SPECC1: variants seen among roughly 807,000 people sequenced by gnomAD.
The protein encoded by SPECC1 is cytospin-B.
Under a neutral mutation model 104.1 loss-of-function variants are expected in SPECC1, and 62 were observed. The ratio of observed to expected loss-of-function variants is 0.60; its 90% CI spans 0.49 to 0.74. The LOEUF is 0.74. Ranked by LOEUF, SPECC1 falls within the 30% of genes least tolerant of loss-of-function variation. The probability of loss-of-function intolerance (pLI) is 0.00; values close to 1 mark genes in which losing one functional copy is unlikely to be tolerated. For missense variants in SPECC1, 1,306 were observed against 1,310.5 expected (o/e 1.00, Z 0.05); for synonymous variants, 513 against 501.6 (o/e 1.02, Z -0.30).
chr17:20,188,597 T>C (rs888623832), intron 3 of SPECC1, among the ~76,000 whole-genome samples: 2 of 152,172 alleles, frequency 1.3e-5, no homozygotes, highest in African/African-American at 2.4e-5. Flanking sequence ...GATATACTTA[T>C]GATGTGACCG....
At chr17:20,139,907 G>A (rs1031212938) in intron 3 of SPECC1, among the ~76,000 whole-genome samples, 6 of 152,072 alleles carry the variant, frequency 3.9e-5, no homozygotes, top group Admixed American at 1.3e-4. Context: ...AACTCCTGAC[G>A]TTGTGATCCG....
At chr17:20,226,963 G>C (rs979724370) in intron 4 of SPECC1, among the ~76,000 whole-genome samples, 3 of 152,106 alleles carry the variant, frequency 2.0e-5, no homozygotes, top group African/African-American at 7.2e-5. Context: ...TGTGCGGTGG[G>C]GGTGGCCACA....
At chr17:20,032,982 T>G (rs1859973060) in intron 1 of SPECC1, among the ~76,000 whole-genome samples, 1 of 151,350 alleles carries the variant, frequency 6.6e-6, no homozygotes, top group Non-Finnish European at 1.5e-5. Flanking sequence ...TTTTTTTTTT[T>G]GAGGTGGAGT....
intron 12 of SPECC1, among the ~76,000 whole-genome samples, chr17:20,263,776 CA>C (rs2040116987): frequency 6.6e-6 from 1 of 152,124 alleles, no homozygotes; most frequent in African/African-American, 2.4e-5. Context: ...TTCACGTTTT[CA>C]GAAGGAGTGG....
At chr17:20,181,853 T>C (rs2034912516) in intron 3 of SPECC1, among the ~76,000 whole-genome samples, 1 of 152,104 alleles carries the variant, frequency 6.6e-6, no homozygotes, top group Non-Finnish European at 1.5e-5. Context: ...AATCTTACTG[T>C]GGTTCATAAA....
rs771861913 is a variant in SPECC1 at position 20,246,002 on chromosome 17, T to G, written c.2428T>G (p.Ser810Ala). The part of the protein sequence containing the change: ...RWPGVCVSRT[S>A]PTPPESATTV... ...GCCTGGTGTCTGTGTTAGCAGAACATCTCCAACACCCCCAGAGTCGGCAAC... is the reference window on the plus strand; with the variant it reads ...GCCTGGTGTCTGTGTTAGCAGAACAGCTCCAACACCCCCAGAGTCGGCAAC... The change falls in exon 8 of 15, where the codon TCT becomes GCT. Residue 810 changes from serine to alanine, a missense_variant. By Grantham distance (99) the Ser-to-Ala change is moderately conservative. Around this residue, in one of 2 missense-constraint regions of SPECC1, gnomAD observed 1,177 missense variants for 1,139.9 expected, o/e 1.03. Transcript: ENST00000395527. 1.2e-6 allele frequency: 2 copies of G among 1,614,178 alleles called. No homozygotes were observed. The highest frequency in any genetic ancestry group is 8.5e-7 in the Non-Finnish European group (1 of 1,180,018).
At chr17:20,132,030 A>T (rs1361147594) in intron 3 of SPECC1, among the ~76,000 whole-genome samples, 10 of 152,094 alleles carry the variant, frequency 6.6e-5, no homozygotes, top group Admixed American at 6.5e-4. Context: ...CAAGTTGAGG[A>T]ATTTCTCCTC....
intron 3 of SPECC1, among the ~76,000 whole-genome samples, chr17:20,160,118 G>T (rs900932971): frequency 1.3e-4 from 20 of 152,188 alleles, no homozygotes; most frequent in African/African-American, 4.8e-4. Context: ...TGAAATAAAA[G>T]CTGCTCAGGT....
At position 20,129,192 on chromosome 17, in the gene SPECC1, T is replaced by G. The variant is rs191976158; in HGVS notation, c.283+18630T>G. 3.3e-3 allele frequency among the ~76,000 whole-genome samples: 473 copies of G among 144,148 alleles called. 16 individuals are homozygous for G. In the East Asian group the frequency reaches 0.083, roughly 25 times the overall value. 94.6% of individuals were successfully genotyped at this position (144,148 alleles called of 152,430 possible). ...GCCTGGCCTGTTTTGTTTTTTTTTG[T>G]TTTTTTTTTTTGAGACGGAGTCTCA... is the stretch of plus-strand genomic sequence containing the variant. On this transcript the variant is annotated intron_variant, in intron 3 of 14. Coordinates refer to ENST00000395527, the MANE Select transcript of SPECC1 (RefSeq NM_001243439.2).
At chr17:20,020,230 T>C (rs1241670095) in intron 1 of SPECC1, among the ~76,000 whole-genome samples, 1 of 152,256 alleles carries the variant, frequency 6.6e-6, no homozygotes, top group Non-Finnish European at 1.5e-5. Flanking sequence ...GGCTTTTCAA[T>C]TTCATTCAAT....
intron 3 of SPECC1, among the ~76,000 whole-genome samples, chr17:20,135,172 T>C (rs368835322): frequency 2.6e-5 from 4 of 152,212 alleles, no homozygotes; most frequent in African/African-American, 9.6e-5. Flanking sequence ...GAATTGTCTT[T>C]GTTTGCATAT....
chr17:20,112,772 A>G, intron 3 of SPECC1: 1 of 1,325,230 alleles, frequency 7.5e-7, no homozygotes, highest in South Asian at 1.2e-5. Context: ...TATGGAAGGA[A>G]GTCAGATAAC....
chr17:20,048,440 G>A (rs1369791185), intron 1 of SPECC1, among the ~76,000 whole-genome samples: 1 of 151,950 alleles, frequency 6.6e-6, no homozygotes, highest in African/African-American at 2.4e-5. Context: ...GCCGAGAAGT[G>A]AGTCTTGATT....
chr17:20,184,329 T>G (rs1414361347), intron 3 of SPECC1, among the ~76,000 whole-genome samples: 1 of 152,180 alleles, frequency 6.6e-6, no homozygotes, highest in East Asian at 1.9e-4. Context: ...TATGTCATAG[T>G]GCCTATGCTG....
intron 10 of SPECC1, among the ~76,000 whole-genome samples, chr17:20,254,990 C>T (rs962537398): frequency 5.3e-5 from 8 of 152,140 alleles, no homozygotes; most frequent in African/African-American, 1.9e-4. Context: ...GGGAGAGATT[C>T]AAGCCCTACA....
At chr17:20,127,630 TCGAAGGAAGA>T in intron 3 of SPECC1, among the ~76,000 whole-genome samples, 1 of 152,242 alleles carries the variant, frequency 6.6e-6, no homozygotes, top group East Asian at 1.9e-4. Flanking sequence ...TTACGCTCTG[TCGAAGGAAGA>T]GGAAAAATTT....
In SPECC1 at chr17:20,298,921, A is replaced by AAAGAGAG. The variant is rs1555535541; in HGVS notation, c.3057+1845_3057+1846insAGAGAGA. ...GAATTCTCCAAAAAAGCAGAACCAA[A>AAAGAGAG]AGAGAGAGAGAGAGAGAGAGAGAGA... On this transcript the variant is annotated intron_variant, in intron 13 of 14. Coordinates refer to ENST00000395527, the MANE Select transcript of SPECC1 (RefSeq NM_001243439.2). Among the ~76,000 whole-genome samples the AAAGAGAG allele has an allele frequency of 5.5e-5, 4 of 72,792 alleles. 1 individual carries two copies. The highest frequency in any genetic ancestry group is 9.7e-5 in the Non-Finnish European group (4 of 41,054). 47.8% of individuals were successfully genotyped at this position (72,792 alleles called of 152,430 possible).
chr17:20,041,126 A>G (rs897261156), intron 1 of SPECC1, among the ~76,000 whole-genome samples: 3 of 150,344 alleles, frequency 2.0e-5, no homozygotes, highest in African/African-American at 4.9e-5. Flanking sequence ...GGTAATTTCT[A>G]TTATTTTCTG....
chr17:20,059,934 G>A (rs79947248), intron 1 of SPECC1, among the ~76,000 whole-genome samples: 10,778 of 152,176 alleles, frequency 0.071, 529 homozygotes, highest in African/African-American at 0.14. Flanking sequence ...GGTTTCATTC[G>A]GCAGCAAGTT....
Sources: gnomAD v4.1 joint callset for allele counts (sites outside exome capture counted in the v4.1 genomes callset) on GRCh38, gnomAD v4.1.1 for gene constraint, gnomAD v4.1.1 regional missense constraint, MANE v1.5 for transcripts, NCBI Gene and HGNC (gene_info 2026-07-23, HGNC 2026-07-21) for gene names.